Variants in SLC35D4 observed in about 807,000 individuals in gnomAD.
The protein encoded by SLC35D4 is UDP-N-acetylglucosamine transporter SLC35D4.
the SLC35D4 span, among the ~76,000 whole-genome samples, chr18:23,411,574 C>T: frequency 2.7e-5 from 4 of 149,638 alleles, no homozygotes; most frequent in Non-Finnish European, 5.9e-5. Context: ...TAGGGTCTCC[C>T]AGCAACTCCT....
chr18:23,298,026 G>A, the SLC35D4 span: 1 of 1,613,686 alleles, frequency 6.2e-7, no homozygotes, highest in South Asian at 1.1e-5. Flanking sequence ...CTTCCGCTCT[G>A]AGAAAACCAG....
chr18:23,245,139 G>C, the SLC35D4 span, among the ~76,000 whole-genome samples: 1 of 152,170 alleles, frequency 6.6e-6, no homozygotes, highest in Non-Finnish European at 1.5e-5. Context: ...CCGTGGGCCA[G>C]GATGGGGCCC....
the SLC35D4 span, among the ~76,000 whole-genome samples, chr18:23,275,388 C>T: frequency 6.6e-6 from 1 of 152,128 alleles, no homozygotes; most frequent in African/African-American, 2.4e-5. Context: ...ACTGGGCGGG[C>T]ACCTAGAGGC....
the SLC35D4 span, among the ~76,000 whole-genome samples, chr18:23,344,777 TTTTTAATAGAGACCAGG>T: frequency 2.6e-5 from 4 of 152,046 alleles, no homozygotes; most frequent in East Asian, 7.7e-4. Context: ...AATTTTTGTA[TTTTTAATAGAGACCAGG>T]TTTCACCATG....
chr18:23,271,947 A>G, the SLC35D4 span, among the ~76,000 whole-genome samples: 2 of 152,066 alleles, frequency 1.3e-5, no homozygotes, highest in African/African-American at 2.4e-5. Flanking sequence ...TGCCCTATGT[A>G]TTTCTTCCAT....
the SLC35D4 span, chr18:23,370,143 C>T: frequency 2.2e-6 from 3 of 1,347,406 alleles, no homozygotes; most frequent in Non-Finnish European, 3.0e-6. Flanking sequence ...CGCGCCATTG[C>T]ACTCCAGATC....
chr18:23,388,987 CTTTT>C, the SLC35D4 span, among the ~76,000 whole-genome samples: 1 of 126,190 alleles, frequency 7.9e-6, no homozygotes. Flanking sequence ...TCAAGTAGTT[CTTTT>C]TTTTTTTTTT....
At chr18:23,261,298 C>T in the SLC35D4 span, among the ~76,000 whole-genome samples, 6 of 152,034 alleles carry the variant, frequency 3.9e-5, no homozygotes, top group Admixed American at 3.3e-4. Flanking sequence ...CACCTTATTC[C>T]AGTCTGGGCA....
the SLC35D4 span, among the ~76,000 whole-genome samples, chr18:23,329,819 A>G: frequency 6.6e-6 from 1 of 152,350 alleles, no homozygotes; most frequent in East Asian, 1.9e-4. Flanking sequence ...ATGTCCATCA[A>G]TGACAGACTG....
the SLC35D4 span, among the ~76,000 whole-genome samples, chr18:23,402,466 C>T: frequency 6.6e-6 from 1 of 152,144 alleles, no homozygotes; most frequent in Admixed American, 6.5e-5. Flanking sequence ...AATTAATGCA[C>T]ATTTATATGT....
At chr18:23,380,610 C>T in the SLC35D4 span, among the ~76,000 whole-genome samples, 20 of 152,198 alleles carry the variant, frequency 1.3e-4, no homozygotes, top group African/African-American at 3.6e-4. Context: ...GCGTCTCCTA[C>T]GTCTCTGCAG....
At chr18:23,351,588 A>G in the SLC35D4 span, among the ~76,000 whole-genome samples, 1 of 152,338 alleles carries the variant, frequency 6.6e-6, no homozygotes, top group South Asian at 2.1e-4. Context: ...AATTAAATTT[A>G]ATTAATTAAG....
At chr18:23,286,211 G>C in the SLC35D4 span, among the ~76,000 whole-genome samples, 1 of 151,646 alleles carries the variant, frequency 6.6e-6, no homozygotes, top group Admixed American at 6.6e-5. Flanking sequence ...TGCCTCCACT[G>C]TGAGACAAAC....
At chr18:23,422,574 C>T in the SLC35D4 span, among the ~76,000 whole-genome samples, 1 of 152,122 alleles carries the variant, frequency 6.6e-6, no homozygotes, top group Non-Finnish European at 1.5e-5. Flanking sequence ...TTAACTGGTC[C>T]CCCTCTCTCC....
At chr18:23,327,982 G>A in the SLC35D4 span, among the ~76,000 whole-genome samples, 2 of 152,082 alleles carry the variant, frequency 1.3e-5, no homozygotes, top group Non-Finnish European at 2.9e-5. Context: ...ATGCAGAAAA[G>A]GCCTTTGACA....
the SLC35D4 span, among the ~76,000 whole-genome samples, chr18:23,394,666 A>G: frequency 6.6e-6 from 1 of 152,140 alleles, no homozygotes; most frequent in Non-Finnish European, 1.5e-5. Context: ...CCAGGAGTTC[A>G]ATGTTAATAA....
chr18:23,308,876 C>CTCTCTCTCTGTG, the SLC35D4 span, among the ~76,000 whole-genome samples: 39 of 140,104 alleles, frequency 2.8e-4, 1 homozygote, highest in Middle Eastern at 7.4e-3. Flanking sequence ...CTCTCTCTCT[C>CTCTCTCTCTGTG]TGTGTGTGTG....
At chr18:23,416,438 A>C in the SLC35D4 span, among the ~76,000 whole-genome samples, 4 of 152,304 alleles carry the variant, frequency 2.6e-5, no homozygotes, top group South Asian at 6.2e-4. Flanking sequence ...CTGCATTCAT[A>C]GTTACTCAGT....
chr18:23,309,803 T>C, the SLC35D4 span: 2 of 1,528,990 alleles, frequency 1.3e-6, no homozygotes, highest in Non-Finnish European at 1.8e-6. Context: ...AAACCTCCAA[T>C]GTCATTTTTT....
Sources: gnomAD v4.1 joint callset for allele counts (sites outside exome capture counted in the v4.1 genomes callset) on GRCh38, gnomAD v4.1.1 for gene constraint, MANE v1.5 for transcripts, NCBI Gene and HGNC (gene_info 2026-07-23, HGNC 2026-07-21) for gene names.